CFAP263: variants seen among roughly 807,000 people sequenced by gnomAD.
CFAP263 encodes cilia and flagella associated protein 263.
the CFAP263 span, chr16:58,259,937 A>G: frequency 6.3e-6 from 10 of 1,587,504 alleles, no homozygotes; most frequent in East Asian, 1.1e-4. Context: ...TGAGGCAGGT[A>G]TGTGGTCCTT....
the CFAP263 span, among the ~76,000 whole-genome samples, chr16:58,256,138 A>C: frequency 6.6e-6 from 1 of 152,250 alleles, no homozygotes; most frequent in Non-Finnish European, 1.5e-5. Flanking sequence ...AAGAGGGACC[A>C]GTCAGTAGAC....
the CFAP263 span, chr16:58,282,575 G>A: frequency 6.6e-6 from 1 of 152,390 alleles, no homozygotes; most frequent in African/African-American, 2.4e-5. Context: ...GTGATTCCCT[G>A]GTGATCTCTC....
At chr16:58,251,262 T>C in the CFAP263 span, among the ~76,000 whole-genome samples, 1 of 152,230 alleles carries the variant, frequency 6.6e-6, no homozygotes, top group African/African-American at 2.4e-5. Flanking sequence ...CAGTCAGTGG[T>C]AGTGCTGGGA....
chr16:58,262,459 GA>G, the CFAP263 span: 1 of 1,613,744 alleles, frequency 6.2e-7, no homozygotes, highest in East Asian at 2.2e-5. Context: ...AATTTCTTGA[GA>G]CAATTGAAGC....
At chr16:58,272,898 A>G in the CFAP263 span, among the ~76,000 whole-genome samples, 1 of 152,094 alleles carries the variant, frequency 6.6e-6, no homozygotes, top group Non-Finnish European at 1.5e-5. Flanking sequence ...TTATTTGAGA[A>G]TGACATTGGA....
chr16:58,253,558 C>A, the CFAP263 span, among the ~76,000 whole-genome samples: 9 of 152,102 alleles, frequency 5.9e-5, no homozygotes, highest in African/African-American at 1.9e-4. Context: ...CTGGACCACC[C>A]GCTTCTGACC....
the CFAP263 span, among the ~76,000 whole-genome samples, chr16:58,267,739 C>T: frequency 6.6e-6 from 1 of 151,956 alleles, no homozygotes; most frequent in African/African-American, 2.4e-5. Context: ...CATCAAAGCA[C>T]AAAGTGGCAC....
At chr16:58,254,085 A>G in the CFAP263 span, 1 of 1,614,258 alleles carries the variant, frequency 6.2e-7, no homozygotes, top group African/African-American at 1.3e-5. Context: ...GCTGGTACAA[A>G]AAGAGGTTGC....
the CFAP263 span, among the ~76,000 whole-genome samples, chr16:58,261,744 A>G: frequency 6.6e-6 from 1 of 152,176 alleles, no homozygotes; most frequent in Non-Finnish European, 1.5e-5. Flanking sequence ...AGCATGAGTG[A>G]GGCATGGGAG....
chr16:58,278,448 G>T, the CFAP263 span: 1 of 1,604,782 alleles, frequency 6.2e-7, no homozygotes, highest in Non-Finnish European at 8.5e-7. Flanking sequence ...AGCTGCTGGG[G>T]TTCCCTGGGT....
the CFAP263 span, among the ~76,000 whole-genome samples, chr16:58,264,359 A>T: frequency 6.6e-6 from 1 of 152,200 alleles, no homozygotes; most frequent in South Asian, 2.1e-4. Flanking sequence ...TTTAAAATCA[A>T]ACTGCCAGGT....
the CFAP263 span, among the ~76,000 whole-genome samples, chr16:58,269,776 A>C: frequency 6.6e-6 from 1 of 152,218 alleles, no homozygotes; most frequent in Non-Finnish European, 1.5e-5. Context: ...AGTCATCCTG[A>C]TATGAACATT....
the CFAP263 span, among the ~76,000 whole-genome samples, chr16:58,255,590 G>A: frequency 0.72 from 107,242 of 148,634 alleles, 39,383 homozygotes; most frequent in African/African-American, 0.86. Context: ...TTTTTTTTGG[G>A]ATGGAGTCTT....
chr16:58,267,314 A>G, the CFAP263 span, among the ~76,000 whole-genome samples: 1 of 152,138 alleles, frequency 6.6e-6, no homozygotes, highest in Non-Finnish European at 1.5e-5. Flanking sequence ...CTCCCCCACC[A>G]GTTCTCAGAC....
the CFAP263 span, among the ~76,000 whole-genome samples, chr16:58,268,094 C>T: frequency 6.6e-6 from 1 of 151,982 alleles, no homozygotes; most frequent in Non-Finnish European, 1.5e-5. Context: ...CGCCGATACC[C>T]AGGCTGTACA....
At chr16:58,274,990 C>T in the CFAP263 span, among the ~76,000 whole-genome samples, 2 of 152,160 alleles carry the variant, frequency 1.3e-5, no homozygotes, top group Non-Finnish European at 2.9e-5. Flanking sequence ...CTTCATTATA[C>T]TTATCTTAGG....
chr16:58,282,626 T>G, the CFAP263 span: 1 of 152,270 alleles, frequency 6.6e-6, no homozygotes, highest in Non-Finnish European at 1.5e-5. Context: ...CCTTGAGGAC[T>G]TCATTCTGTG....
the CFAP263 span, chr16:58,262,541 G>A: frequency 6.3e-7 from 1 of 1,597,790 alleles, no homozygotes; most frequent in Non-Finnish European, 8.6e-7. Context: ...TGCCTACAAA[G>A]TAAGGCCATC....
At chr16:58,249,967 C>G in the CFAP263 span, 1 of 1,317,620 alleles carries the variant, frequency 7.6e-7, no homozygotes, top group Non-Finnish European at 1.1e-6. Context: ...CGCCGGCACC[C>G]GGAGCTCCTG....
Sources: gnomAD v4.1 joint callset for allele counts (sites outside exome capture counted in the v4.1 genomes callset) on GRCh38, gnomAD v4.1.1 for gene constraint, MANE v1.5 for transcripts, NCBI Gene and HGNC (gene_info 2026-07-23, HGNC 2026-07-21) for gene names.